NRXN3: variants seen among roughly 807,000 people sequenced by gnomAD.
The protein encoded by NRXN3 is neurexin 3.
In NRXN3, 32 loss-of-function variants were observed where a neutral mutation model predicts 137.6. The ratio of observed to expected loss-of-function variants is 0.23; its 90% CI spans 0.18 to 0.31. The LOEUF (loss-of-function observed/expected upper bound fraction) is 0.31, where lower values mean the gene tolerates loss of function less well. NRXN3 is among the 10% of genes least tolerant of loss of function. The pLI, the probability that NRXN3 is intolerant of heterozygous loss-of-function variation, is 1.00. For synonymous variants in NRXN3, 798 were observed against 784.5 expected, an observed-to-expected ratio of 1.02 and a Z score of -0.29; for missense variants, 1,574 against 2,062.5, an observed-to-expected ratio of 0.76 and a Z score of 4.59.
At position 79,192,754 on chromosome 14, in the gene NRXN3, C is replaced by T. The variant is rs556975790; in HGVS notation, c.3262+204613C>T. Among the ~76,000 whole-genome samples the T allele has an allele frequency of 4.9e-5, 7 of 143,624 alleles. No homozygotes were observed. The East Asian group carries it at 1.5e-3, about 32-fold the overall frequency. The allele number at this position is 143,624 out of a possible 152,430, so 94.2% of individuals were successfully genotyped here. ...GAAGCAATATGTAAAAAGACATGTA[C>T]AATTCTCTTAATTTTTTTTTTTTTT... On this transcript the variant is annotated intron_variant, in intron 15 of 20. Transcript: ENST00000335750.
At chr14:78,525,112 T>C (rs969152140) in intron 4 of NRXN3, among the ~76,000 whole-genome samples, 4 of 152,230 alleles carry the variant, frequency 2.6e-5, no homozygotes, top group Non-Finnish European at 5.9e-5. Context: ...ACCTTGTTTC[T>C]CTGTTTTCAT....
chr14:78,725,552 C>T (rs780364612), intron 8 of NRXN3, among the ~76,000 whole-genome samples: 1 of 152,178 alleles, frequency 6.6e-6, no homozygotes, highest in East Asian at 1.9e-4. Flanking sequence ...TCTTCAGCCA[C>T]TATAAGGTGG....
intron 15 of NRXN3, among the ~76,000 whole-genome samples, chr14:79,200,466 A>G (rs1261429924): frequency 6.6e-6 from 1 of 152,174 alleles, no homozygotes; most frequent in African/African-American, 2.4e-5. Flanking sequence ...CAGAACAGAC[A>G]GAGGACCTGG....
At chr14:78,227,889 G>A (rs902512053) in intron 1 of NRXN3, among the ~76,000 whole-genome samples, 2 of 152,162 alleles carry the variant, frequency 1.3e-5, no homozygotes, top group Admixed American at 6.5e-5. Flanking sequence ...GGAGGCGAGC[G>A]TGGGCATGTT....
At chr14:78,305,595 G>C (rs558897781) in intron 4 of NRXN3, among the ~76,000 whole-genome samples, 23 of 152,226 alleles carry the variant, frequency 1.5e-4, no homozygotes, top group African/African-American at 5.5e-4. Flanking sequence ...CTGATTTGAG[G>C]AGCTGAGCCC....
intron 10 of NRXN3, among the ~76,000 whole-genome samples, chr14:78,905,735 G>A (rs904756491): frequency 2.0e-5 from 3 of 151,898 alleles, no homozygotes; most frequent in African/African-American, 7.2e-5. Context: ...AAAATGTTAT[G>A]TTACTCTTCT....
At chr14:78,644,920 G>A (rs2097671779) in intron 4 of NRXN3, among the ~76,000 whole-genome samples, 200 bp from the exon 5 acceptor site, 1 of 152,296 alleles carries the variant, frequency 6.6e-6, no homozygotes, top group Admixed American at 6.5e-5. Flanking sequence ...GTGTGGACAC[G>A]TCGTTTCTCT....
At chr14:78,868,122 G>T (rs1315533264) in intron 10 of NRXN3, among the ~76,000 whole-genome samples, 2 of 150,606 alleles carry the variant, frequency 1.3e-5, no homozygotes, top group African/African-American at 4.9e-5. Context: ...TTATAAATCT[G>T]TCTTTATTAC....
chr14:78,622,742 C>T (rs181861594), intron 4 of NRXN3, among the ~76,000 whole-genome samples: 1 of 152,214 alleles, frequency 6.6e-6, no homozygotes, highest in East Asian at 1.9e-4. Context: ...GACACAAAAC[C>T]ATTTGTTGGC....
intron 8 of NRXN3, among the ~76,000 whole-genome samples, chr14:78,785,945 G>A (rs1229737599): frequency 6.6e-6 from 1 of 152,134 alleles, no homozygotes; most frequent in Non-Finnish European, 1.5e-5. Context: ...AGGCTTGAGT[G>A]GAAAAATCTG....
chr14:79,132,090 G>A (rs997064893), intron 15 of NRXN3, among the ~76,000 whole-genome samples: 4 of 152,250 alleles, frequency 2.6e-5, no homozygotes, highest in Non-Finnish European at 5.9e-5. Flanking sequence ...GCACTCCCTA[G>A]TGAGATGAAC....
At chr14:78,518,557 G>A (rs954199036) in intron 4 of NRXN3, among the ~76,000 whole-genome samples, 1 of 152,074 alleles carries the variant, frequency 6.6e-6, no homozygotes, top group Non-Finnish European at 1.5e-5. Flanking sequence ...AAACCTCTGG[G>A]ATCCAGCAGA....
At chr14:78,943,981 G>A (rs1169006231) in intron 10 of NRXN3, among the ~76,000 whole-genome samples, 1 of 151,904 alleles carries the variant, frequency 6.6e-6, no homozygotes, top group Non-Finnish European at 1.5e-5. Flanking sequence ...TGAGAGGATG[G>A]CAGGTGGTGA....
intron 16 of NRXN3, among the ~76,000 whole-genome samples, chr14:79,525,807 G>T (rs943799950): frequency 6.6e-6 from 1 of 152,186 alleles, no homozygotes; most frequent in African/African-American, 2.4e-5. Flanking sequence ...GAGGTGCTGG[G>T]TTAACAGACT....
chr14:79,182,291 G>A (rs1379769199), intron 15 of NRXN3, among the ~76,000 whole-genome samples: 1 of 137,466 alleles, frequency 7.3e-6, no homozygotes, highest in Non-Finnish European at 1.5e-5. Flanking sequence ...CATTTATTGT[G>A]TAATTTATTT....
At chr14:78,431,062 T>C (rs374626329) in intron 4 of NRXN3, among the ~76,000 whole-genome samples, 3 of 152,302 alleles carry the variant, frequency 2.0e-5, no homozygotes, top group East Asian at 3.9e-4. Flanking sequence ...TGAATTGTTA[T>C]TTTAAAATAG....
chr14:78,734,432 A>C (rs1036627162), intron 8 of NRXN3, among the ~76,000 whole-genome samples: 1 of 152,212 alleles, frequency 6.6e-6, no homozygotes, highest in Non-Finnish European at 1.5e-5. Flanking sequence ...AATGATATTT[A>C]CTCAAATATT....
intron 1 of NRXN3, among the ~76,000 whole-genome samples, chr14:78,230,756 A>G (rs1044479525): frequency 2.0e-5 from 3 of 152,146 alleles, no homozygotes; most frequent in Non-Finnish European, 2.9e-5. Context: ...GGAGTAGTAG[A>G]TGAGACTGGA....
At chr14:79,523,891 C>T (rs1281046209) in intron 16 of NRXN3, among the ~76,000 whole-genome samples, 2 of 152,142 alleles carry the variant, frequency 1.3e-5, no homozygotes, top group African/African-American at 4.8e-5. Context: ...AAGACCCTTC[C>T]ACTACGGTGG....
Sources: allele counts gnomAD v4.1 joint callset (sites outside exome capture counted in the v4.1 genomes callset), GRCh38; gene constraint gnomAD v4.1.1; transcripts MANE v1.5; gene names NCBI Gene and HGNC (gene_info 2026-07-23, HGNC 2026-07-21).